Variants in LCORL observed in about 807,000 individuals in gnomAD.
LCORL encodes ligand-dependent nuclear receptor corepressor-like protein.
In LCORL, 41 loss-of-function variants were observed where a neutral mutation model predicts 141.8. That is an observed-to-expected ratio of 0.29 (90% CI 0.23 to 0.38). The LOEUF (loss-of-function observed/expected upper bound fraction) is 0.38, where lower values mean the gene tolerates loss of function less well. LCORL is among the 10% of genes least tolerant of loss of function. LCORL has a pLI of 1.00. For missense variants in LCORL, 1,759 were observed against 2,035.0 expected, an observed-to-expected ratio of 0.86 and a Z score of 2.61; for synonymous variants, 618 against 694.1, an observed-to-expected ratio of 0.89 and a Z score of 1.72.
exon 8 of LCORL, chr4:17,845,438 A>G: frequency 4.0e-6 from 1 of 249,620 alleles, no homozygotes. Flanking sequence ...TGTGCACAGA[A>G]ATAAAACTAG....
intron 4 of LCORL, among the ~76,000 whole-genome samples, chr4:17,941,829 G>T (rs1738018714): frequency 6.7e-6 from 1 of 149,904 alleles, no homozygotes; most frequent in African/African-American, 2.5e-5. Context: ...TATTTGGAAT[G>T]CTGAATCATT....
chr4:17,902,823 G>C (rs1731084190), intron 5 of LCORL, among the ~76,000 whole-genome samples: 1 of 151,800 alleles, frequency 6.6e-6, no homozygotes, highest in African/African-American at 2.4e-5. Flanking sequence ...TAAACTAGAA[G>C]TTATGGATTC....
chr4:17,970,535 T>C (rs1715723943), intron 2 of LCORL, among the ~76,000 whole-genome samples: 1 of 152,134 alleles, frequency 6.6e-6, no homozygotes. Context: ...GCCTGTATCA[T>C]GAGAAATAGA....
At chr4:17,981,797 T>C (rs1374165377) in intron 1 of LCORL, among the ~76,000 whole-genome samples, 3 of 152,064 alleles carry the variant, frequency 2.0e-5, no homozygotes, top group Non-Finnish European at 4.4e-5. Flanking sequence ...GTTTGTTACA[T>C]AGGCAAACTG....
intron 5 of LCORL, 64 bp downstream of exon 5, chr4:17,909,030 A>C: frequency 7.2e-7 from 1 of 1,379,834 alleles, no homozygotes; most frequent in South Asian, 1.6e-5. Flanking sequence ...ATAAAAAGTT[A>C]TAAATATACA....
At chr4:17,952,014 C>G (rs897952035) in intron 4 of LCORL, among the ~76,000 whole-genome samples, 2 of 152,158 alleles carry the variant, frequency 1.3e-5, no homozygotes, top group Non-Finnish European at 2.9e-5. Flanking sequence ...CATTAAAAAG[C>G]CTTATTTAAG....
exon 8 of LCORL, chr4:17,845,495 C>G: frequency 2.7e-6 from 1 of 377,050 alleles, no homozygotes; most frequent in Non-Finnish European, 4.8e-6. Context: ...TCACATAATA[C>G]CACTAAAAGA....
intron 2 of LCORL, among the ~76,000 whole-genome samples, chr4:17,964,706 T>G (rs1194046386): frequency 6.6e-6 from 1 of 152,116 alleles, no homozygotes; most frequent in Non-Finnish European, 1.5e-5. Flanking sequence ...CACGCTCATG[T>G]GAAGATGTTA....
At chr4:17,862,837 C>G (rs1011498624) in intron 7 of LCORL, among the ~76,000 whole-genome samples, 1 of 150,570 alleles carries the variant, frequency 6.6e-6, no homozygotes, top group Non-Finnish European at 1.5e-5. Flanking sequence ...GATGAAGATG[C>G]CAAAAGCAAT....
At chr4:17,855,477 A>C (rs1450036991) in intron 7 of LCORL, among the ~76,000 whole-genome samples, 2 of 152,182 alleles carry the variant, frequency 1.3e-5, no homozygotes, top group Admixed American at 6.5e-5. Flanking sequence ...AGAACTTATC[A>C]ATGATCATAA....
intron 1 of LCORL, among the ~76,000 whole-genome samples, chr4:18,005,182 G>A (rs1722598742): frequency 6.6e-6 from 1 of 152,138 alleles, no homozygotes; most frequent in East Asian, 1.9e-4. Context: ...GCATCTCAAA[G>A]TGCTGGGGTT....
At chr4:17,871,321 T>C (rs2109166529) in intron 7 of LCORL, among the ~76,000 whole-genome samples, 1 of 151,826 alleles carries the variant, frequency 6.6e-6, no homozygotes, top group African/African-American at 2.4e-5. Context: ...GAACAGGAAA[T>C]AGTATTAGTA....
intron 1 of LCORL, among the ~76,000 whole-genome samples, chr4:17,978,588 A>AAAT: frequency 6.6e-6 from 1 of 152,084 alleles, no homozygotes; most frequent in South Asian, 2.1e-4. Flanking sequence ...TCAAAAAAAA[A>AAAT]AAAAAAAGTT....
chr4:17,914,046 A>T (rs1209956210), intron 4 of LCORL, among the ~76,000 whole-genome samples: 1 of 152,272 alleles, frequency 6.6e-6, no homozygotes, highest in Non-Finnish European at 1.5e-5. Flanking sequence ...GACATACTTT[A>T]TAAACCCATG....
rs183095087 is a variant in LCORL at position 17,882,649 on chromosome 4, G to A, written c.776+3419C>T. 4.4e-3 allele frequency: 4,367 copies of A among 984,342 alleles called. 12 individuals carry two copies. Among genetic ancestry groups the A allele is most frequent in the Non-Finnish European group, 5.0e-3 (4,152 of 829,258 alleles). 61.0% of individuals were successfully genotyped at this position (984,342 alleles called of 1,614,324 possible). A position where few individuals can be genotyped will look rare whatever the true frequency, so the allele number is the denominator to read the frequency against. On this transcript the variant is annotated intron_variant, in intron 6 of 7. Coordinates refer to ENST00000635767, the Ensembl canonical transcript of LCORL. Reference sequence around the variant, plus strand: ...GTTATTAGCAAAATGATAATGTATCGCCCACCAAAATGAAATCTGCAATTC... The same window carrying A: ...GTTATTAGCAAAATGATAATGTATCACCCACCAAAATGAAATCTGCAATTC...
In LCORL at chr4:17,855,759, C is replaced by T. The variant is rs553518575; in HGVS notation, c.5603-9858G>A. Among the ~76,000 whole-genome samples, 20 of 152,308 alleles carry T rather than the reference C, an allele frequency of 1.3e-4. No individual in the cohort carries two copies. The South Asian group carries it at 4.1e-3, about 32-fold the overall frequency. On this transcript the variant is annotated intron_variant, in intron 7 of 7. Transcript: ENST00000635767. ...ACCTGTCAGTCAGCTAACACCAGGA[C>T]ATATGAGGGAGCCCAGCCAAGATCA...
At chr4:17,927,108 G>C (rs1735270386) in intron 4 of LCORL, among the ~76,000 whole-genome samples, 1 of 152,216 alleles carries the variant, frequency 6.6e-6, no homozygotes, top group Non-Finnish European at 1.5e-5. Context: ...CTTCTGGATA[G>C]CCTGCTGCAG....
At chr4:18,004,826 C>T (rs182294693) in intron 1 of LCORL, among the ~76,000 whole-genome samples, 3 of 152,068 alleles carry the variant, frequency 2.0e-5, no homozygotes, top group Admixed American at 2.0e-4. Context: ...ATGGGGGTAA[C>T]AGACATTGGG....
intron 1 of LCORL, among the ~76,000 whole-genome samples, chr4:17,986,620 GTTGT>G (rs547408008): frequency 6.7e-4 from 102 of 152,152 alleles, no homozygotes; most frequent in Non-Finnish European, 1.1e-3. Context: ...AGTTAGGTGT[GTTGT>G]TTGTTTGTTT....
Sources: gnomAD v4.1 joint callset for allele counts (sites outside exome capture counted in the v4.1 genomes callset) on GRCh38, gnomAD v4.1.1 for gene constraint, MANE v1.5 for transcripts, NCBI Gene and HGNC (gene_info 2026-07-23, HGNC 2026-07-21) for gene names.